The following UBE4B variants were observed in gnomAD, a reference collection of about 807,000 sequenced individuals.
UBE4B encodes the protein ubiquitination factor E4B, also known as ubiquitin conjugation factor E4 B.
Under a neutral mutation model 148.1 loss-of-function variants are expected in UBE4B, and 27 were observed. That is an observed-to-expected ratio of 0.18 (90% CI 0.13 to 0.25). The LOEUF (loss-of-function observed/expected upper bound fraction) is 0.25, where lower values mean the gene tolerates loss of function less well. UBE4B is among the 10% of genes least tolerant of loss of function. The pLI is 1.00. For missense variants in UBE4B, 1,170 were observed against 1,662.4 expected (o/e 0.70, Z 5.15); for synonymous variants, 596 against 619.3 (o/e 0.96, Z 0.56).
rs755033302 is a variant in UBE4B at position 10,161,120 on chromosome 1, T to G, written c.3054-22T>G. The G allele has an allele frequency of 3.1e-6, 5 of 1,613,278 alleles. No homozygotes were observed. In the Admixed American group the frequency reaches 8.3e-5, roughly 27 times the overall value. On this transcript the variant is annotated intron_variant, in intron 22 of 27. Transcript: ENST00000343090. The surrounding 1 kb of genome is among the most constrained non-coding windows in gnomAD (Gnocchi z 4.1). ...TGCTTCAGGGAGATGTATGACCATG[T>G]ACAATATAATTGCCTTTCCAGCTCC...
intron 2 of UBE4B, among the ~76,000 whole-genome samples, chr1:10,078,466 C>G (rs969415362): frequency 5.3e-5 from 8 of 152,150 alleles, no homozygotes; most frequent in Admixed American, 3.9e-4. Flanking sequence ...TGTTTAATAT[C>G]TGTGTTTATT....
intron 3 of UBE4B, among the ~76,000 whole-genome samples, chr1:10,100,365 G>A (rs548449640): frequency 1.3e-5 from 2 of 152,214 alleles, no homozygotes; most frequent in South Asian, 4.1e-4. Context: ...TGCCCAGGCT[G>A]GGATACAGTG....
chr1:10,151,341 G>T lies in UBE4B; in HGVS notation c.2706G>T (p.Ala902=), dbSNP rs774060515. 3 of 1,613,896 alleles carry T rather than the reference G, an allele frequency of 1.9e-6. No individual in the cohort carries two copies. The highest frequency in any genetic ancestry group is 2.5e-6 in the Non-Finnish European group (3 of 1,180,000). ...CTCTGTTCAGATACTCTCCCCAGGC[G>T]CTTTATGAGCCCTGTACTCAGGATA... ...LFFIVQYSPQ[A]LYEPCTQDIV... Residue 902 remains alanine, a synonymous_variant, in exon 21 of 28, where the codon GCG becomes GCT. Coordinates refer to ENST00000343090, the MANE Select transcript of UBE4B (RefSeq NM_001105562.3).
At chr1:10,159,202 TATC>T (rs1646121427) in intron 22 of UBE4B, among the ~76,000 whole-genome samples, 1 of 152,202 alleles carries the variant, frequency 6.6e-6, no homozygotes. Context: ...TCATTTAAAG[TATC>T]ATTCTTTGTG....
At chr1:10,100,334 A>G (rs1398119466) in intron 3 of UBE4B, among the ~76,000 whole-genome samples, 1 of 151,880 alleles carries the variant, frequency 6.6e-6, no homozygotes, top group Non-Finnish European at 1.5e-5. Context: ...AATTTTTTTT[A>G]GAGCCAGAGT....
chr1:10,156,332 C>G (rs7522444), intron 21 of UBE4B, among the ~76,000 whole-genome samples: 11,005 of 151,022 alleles, frequency 0.073, 699 homozygotes, highest in African/African-American at 0.17. Flanking sequence ...CTTGACCTCC[C>G]GGGCTCAAGT....
At chr1:10,065,714 T>C (rs960823572) in intron 1 of UBE4B, among the ~76,000 whole-genome samples, 1 of 152,168 alleles carries the variant, frequency 6.6e-6, no homozygotes, top group East Asian at 1.9e-4. Context: ...CCACGGTAGA[T>C]GTAGTGGGAA....
intron 24 of UBE4B, among the ~76,000 whole-genome samples, chr1:10,170,336 A>G (rs1373054977): frequency 6.6e-6 from 1 of 152,216 alleles, no homozygotes; most frequent in Non-Finnish European, 1.5e-5. Context: ...TGCAAAAGCA[A>G]ATTCTTGAAA....
intron 1 of UBE4B, among the ~76,000 whole-genome samples, chr1:10,043,141 C>T (rs994662142): frequency 2.0e-5 from 3 of 151,680 alleles, no homozygotes; most frequent in Non-Finnish European, 4.4e-5. Context: ...TCCCAAGTAG[C>T]TGGGATTACA....
chr1:10,082,632 CTTTTTTTTTTTT>C (rs5772395), intron 2 of UBE4B, among the ~76,000 whole-genome samples: 18 of 105,922 alleles, frequency 1.7e-4, no homozygotes, highest in East Asian at 1.1e-3. Context: ...AAGAAGGCGA[CTTTTTTTTTTTT>C]TTTTTTTTTT....
chr1:10,153,998 C>T (rs998359261), intron 21 of UBE4B, among the ~76,000 whole-genome samples: 1 of 152,214 alleles, frequency 6.6e-6, no homozygotes, highest in African/African-American at 2.4e-5. Flanking sequence ...AGGAGAATCA[C>T]TTGAACCCGC....
rs1643372233 is a variant in UBE4B at position 10,033,349 on chromosome 1, G to A, written c.-322G>A. 1 of 253,922 alleles carries A rather than the reference G, an allele frequency of 3.9e-6. No individual in the cohort carries two copies. Among genetic ancestry groups the A allele is most frequent in the South Asian group, 1.6e-4 (1 of 6,360 alleles). The allele number at this position is 253,922 out of a possible 1,614,324, so 15.7% of individuals were successfully genotyped here. A position where few individuals can be genotyped will look rare whatever the true frequency, so the allele number is the denominator to read the frequency against. On this transcript the variant is annotated 5_prime_UTR_variant, in exon 1 of 28. Transcript: ENST00000343090. ...CACGAGACGAACTGGAGACCGCGCT[G>A]CCTAGCTGGGTAACCTGGGAAGCAG...
chr1:10,161,089 G>C lies in UBE4B; in HGVS notation c.3054-53G>C. 6.3e-7 allele frequency: 1 copy of C among 1,588,542 alleles called. No homozygotes were observed. Among genetic ancestry groups the C allele is most frequent in the Non-Finnish European group, 8.6e-7 (1 of 1,162,868 alleles). On this transcript the variant is annotated intron_variant, in intron 22 of 27. Coordinates refer to ENST00000343090, the MANE Select transcript of UBE4B (RefSeq NM_001105562.3). The surrounding 1 kb of genome is among the most constrained non-coding windows in gnomAD (Gnocchi z 4.1). ...TGCTTGTTCCCTGGGATTTGCTGTG[G>C]CATTTTGCTTCAGGGAGATGTATGA...
intron 17 of UBE4B, among the ~76,000 whole-genome samples, chr1:10,138,035 A>G (rs1056057037): frequency 1.3e-4 from 18 of 140,098 alleles, no homozygotes; most frequent in African/African-American, 2.6e-4. Flanking sequence ...CCCAGGTTCA[A>G]GCGATTCTCC....
intron 2 of UBE4B, among the ~76,000 whole-genome samples, chr1:10,080,454 T>C (rs1362083856): frequency 6.6e-6 from 1 of 151,720 alleles, no homozygotes; most frequent in Non-Finnish European, 1.5e-5. Context: ...AAGAAAATTC[T>C]ATGTTGGTGA....
At chr1:10,075,040 C>G in intron 2 of UBE4B, among the ~76,000 whole-genome samples, 1 of 152,194 alleles carries the variant, frequency 6.6e-6, no homozygotes, top group Non-Finnish European at 1.5e-5. Context: ...AGGTTTCCAT[C>G]TCAATAAATG....
chr1:10,149,786 T>A (rs922172547), intron 20 of UBE4B, among the ~76,000 whole-genome samples: 2 of 152,210 alleles, frequency 1.3e-5, no homozygotes, highest in African/African-American at 4.8e-5. Context: ...TTAGAAGAAT[T>A]ACAATTTCAA....
chr1:10,116,833 C>T (rs970330088), intron 7 of UBE4B, among the ~76,000 whole-genome samples: 2 of 152,226 alleles, frequency 1.3e-5, no homozygotes, highest in Non-Finnish European at 2.9e-5. Flanking sequence ...GGGGTTGAGA[C>T]TAGAACCCAC....
chr1:10,142,064 T>G (rs1334725406), intron 17 of UBE4B, among the ~76,000 whole-genome samples: 1 of 151,488 alleles, frequency 6.6e-6, no homozygotes, highest in African/African-American at 2.4e-5. Context: ...TTCTATAAGC[T>G]CCACCACATA....
Sources: gnomAD v4.1 joint callset for allele counts (sites outside exome capture counted in the v4.1 genomes callset) on GRCh38, gnomAD v4.1.1 for gene constraint, Gnocchi (gnomAD v3.1) non-coding constraint, MANE v1.5 for transcripts, NCBI Gene and HGNC (gene_info 2026-07-23, HGNC 2026-07-21) for gene names.